RAB27B: variants seen among roughly 807,000 people sequenced by gnomAD.
The protein encoded by RAB27B is ras-related protein Rab-27B.
In RAB27B, 15 loss-of-function variants were observed where a neutral mutation model predicts 24.6. The ratio of observed to expected loss-of-function variants is 0.61; its 90% CI spans 0.41 to 0.94. The LOEUF (loss-of-function observed/expected upper bound fraction) is 0.94, where lower values mean the gene tolerates loss of function less well. Among genes scored for constraint, RAB27B ranks in the 40% least tolerant of loss-of-function variants. RAB27B has a pLI of 0.00. For synonymous variants in RAB27B, 105 were observed against 92.5 expected (o/e 1.14, Z -0.78); for missense variants, 261 against 266.8 (o/e 0.98, Z 0.15).
chr18:54,885,064 T>A (rs965540878), intron 4 of RAB27B, among the ~76,000 whole-genome samples: 1 of 152,196 alleles, frequency 6.6e-6, no homozygotes, highest in African/African-American at 2.4e-5. Context: ...TGTTGCCTAA[T>A]CAATTACTAA....
In RAB27B at chr18:54,848,043, G is replaced by T. The variant is rs184252175; in HGVS notation, c.-20+19343G>T. 1.4e-3 allele frequency among the ~76,000 whole-genome samples: 206 copies of T among 152,298 alleles called. 5 individuals are homozygous for T. In the South Asian group the frequency reaches 0.036, roughly 27 times the overall value. On this transcript the variant is annotated intron_variant, in intron 1 of 5. Coordinates refer to ENST00000262094, the MANE Select transcript of RAB27B (RefSeq NM_004163.4). ...CGGAAGTGAGGTACAGAAACAACTG[G>T]ATTGGTTACAAGCTCTGTGTTTGCC...
At chr18:54,873,178 A>G (rs1912546144) in intron 1 of RAB27B, among the ~76,000 whole-genome samples, 1 of 152,236 alleles carries the variant, frequency 6.6e-6, no homozygotes, top group African/African-American at 2.4e-5. Context: ...CTTCTCATCC[A>G]AAAACTGAGG....
At chr18:54,779,446 G>A (rs1275297943) in intron 2 of RAB27B, among the ~76,000 whole-genome samples, 6 of 152,078 alleles carry the variant, frequency 3.9e-5, no homozygotes, top group African/African-American at 9.7e-5. Context: ...CCAGAGACTC[G>A]GAGGGAGTTG....
At chr18:54,733,826 G>A (rs1909806500) in intron 2 of RAB27B, among the ~76,000 whole-genome samples, 1 of 152,076 alleles carries the variant, frequency 6.6e-6, no homozygotes, top group African/African-American at 2.4e-5. Context: ...CACTCCAAGT[G>A]TAGATTTGGT....
intron 2 of RAB27B, among the ~76,000 whole-genome samples, chr18:54,821,786 G>A (rs1379176136): frequency 1.3e-5 from 2 of 152,128 alleles, no homozygotes; most frequent in Admixed American, 6.5e-5. Flanking sequence ...GGCGTTTCAC[G>A]CTTGTCGCCC....
chr18:54,813,010 G>A (rs1910014853), intron 2 of RAB27B, among the ~76,000 whole-genome samples: 1 of 152,132 alleles, frequency 6.6e-6, no homozygotes, highest in Non-Finnish European at 1.5e-5. Flanking sequence ...ACATAATTCA[G>A]AGAAGAAACA....
chr18:54,751,615 C>T (rs1245120187), intron 2 of RAB27B, among the ~76,000 whole-genome samples: 1 of 152,094 alleles, frequency 6.6e-6, no homozygotes, highest in Non-Finnish European at 1.5e-5. Context: ...AATGCCCCTA[C>T]AAAACTCAGA....
chr18:54,750,004 A>G (rs9961786), intron 2 of RAB27B, among the ~76,000 whole-genome samples: 9,693 of 152,220 alleles, frequency 0.064, 391 homozygotes, highest in African/African-American at 0.091. Flanking sequence ...CATCATTGAT[A>G]TTTGGGATTT....
intron 2 of RAB27B, among the ~76,000 whole-genome samples, chr18:54,791,916 C>T (rs180869663): frequency 2.0e-5 from 3 of 152,278 alleles, no homozygotes; most frequent in Admixed American, 2.0e-4. Context: ...GTAGGGGCCG[C>T]CAAGCTGCCC....
chr18:54,791,339 T>C (rs1322453842), intron 2 of RAB27B, among the ~76,000 whole-genome samples: 2 of 152,162 alleles, frequency 1.3e-5, no homozygotes, highest in Non-Finnish European at 2.9e-5. Context: ...TTTGGGAGGC[T>C]GAGGCTAGAG....
rs1486890330 is a variant in RAB27B, at chr18:54,891,058, A to G, written c.*1645A>G. 6.6e-6 allele frequency: 1 copy of G among 151,956 alleles called. No individual in the cohort carries two copies. Among genetic ancestry groups the G allele is most frequent in the Non-Finnish European group, 1.5e-5 (1 of 67,966 alleles). 9.4% of individuals were successfully genotyped at this position (151,956 alleles called of 1,614,324 possible). ...CGTCGTATAGATTTTTTCCAATCAAACCTACTTTTTCCATACTCTGTGCAT... is the reference window on the plus strand; with the variant it reads ...CGTCGTATAGATTTTTTCCAATCAAGCCTACTTTTTCCATACTCTGTGCAT... On this transcript the variant is annotated 3_prime_UTR_variant, in exon 6 of 6. Transcript: ENST00000262094.
At chr18:54,790,536 G>A (rs1909216224) in intron 2 of RAB27B, among the ~76,000 whole-genome samples, 1 of 152,050 alleles carries the variant, frequency 6.6e-6, no homozygotes, top group Non-Finnish European at 1.5e-5. Context: ...AGAAAAAAAT[G>A]AAAAATTTAG....
At chr18:54,813,278 T>C (rs1910023881) in intron 2 of RAB27B, among the ~76,000 whole-genome samples, 1 of 152,238 alleles carries the variant, frequency 6.6e-6, no homozygotes, top group South Asian at 2.1e-4. Context: ...CTGTGCCATG[T>C]ACTAGACATG....
intron 1 of RAB27B, among the ~76,000 whole-genome samples, chr18:54,858,476 C>T (rs1911877403): frequency 6.6e-6 from 1 of 151,730 alleles, no homozygotes; most frequent in African/African-American, 2.4e-5. Context: ...GCTCCACCTC[C>T]CGTGTTCACG....
intron 2 of RAB27B, among the ~76,000 whole-genome samples, chr18:54,760,516 G>A (rs1370057048): frequency 6.6e-6 from 1 of 152,084 alleles, no homozygotes; most frequent in South Asian, 2.1e-4. Flanking sequence ...ATCATTTTGG[G>A]AGCTAATAGT....
chr18:54,777,330 G>A (rs73960619), intron 2 of RAB27B, among the ~76,000 whole-genome samples: 11,257 of 152,232 alleles, frequency 0.074, 605 homozygotes, highest in African/African-American at 0.13. Context: ...AGTTCTCTTA[G>A]ATCTCTTGGG....
intron 2 of RAB27B, among the ~76,000 whole-genome samples, chr18:54,815,728 A>G (rs1211589500): frequency 1.3e-5 from 2 of 152,218 alleles, no homozygotes; most frequent in Non-Finnish European, 2.9e-5. Context: ...GCAATTCATC[A>G]TGGTATTTAC....
rs1050618611 is a variant in RAB27B at position 54,864,743 on chromosome 18, T to C, written c.-19-12824T>C. 2.0e-5 allele frequency among the ~76,000 whole-genome samples: 3 copies of C among 152,222 alleles called. No homozygotes were observed. In the South Asian group the frequency reaches 6.2e-4, roughly 31 times the overall value. ...GAGTTTATTTCTAGATTCCCAGTTG[T>C]CTTCCATTGATCTATTTGTCTATCC... On this transcript the variant is annotated intron_variant, in intron 1 of 5. Transcript: ENST00000262094.
rs1228241941 is a variant in RAB27B at position 54,799,315 on chromosome 18, T to C, written c.-19-78252T>C. 2.6e-5 allele frequency among the ~76,000 whole-genome samples: 4 copies of C among 152,186 alleles called. No homozygotes were observed. In the East Asian group the frequency reaches 7.7e-4, roughly 29 times the overall value. The stretch of plus-strand genomic sequence containing the variant: ...CTTAATGGCACTTTGCTTTCACTAG[T>C]GATTTCTCTCAGACTTAAGGAGAAA... On this transcript the variant is annotated intron_variant, in intron 2 of 4. Transcript: ENST00000586570.
Sources: gnomAD v4.1 joint callset for allele counts (sites outside exome capture counted in the v4.1 genomes callset) on GRCh38, gnomAD v4.1.1 for gene constraint, MANE v1.5 for transcripts, NCBI Gene and HGNC (gene_info 2026-07-23, HGNC 2026-07-21) for gene names.